The following FNIP1 variants were observed in gnomAD, a reference collection of about 807,000 sequenced individuals.
The protein encoded by FNIP1 is folliculin-interacting protein 1.
In FNIP1, 40 loss-of-function variants were observed where a neutral mutation model predicts 124.5. That is an observed-to-expected ratio of 0.32 (90% CI 0.25 to 0.42). FNIP1 has a LOEUF of 0.42. FNIP1 is among the 10% of genes least tolerant of loss of function. FNIP1 has a pLI of 1.00. For missense variants in FNIP1, 1,176 were observed against 1,403.7 expected, an observed-to-expected ratio of 0.84 and a Z score of 2.59; for synonymous variants, 472 against 470.6, an observed-to-expected ratio of 1.00 and a Z score of -0.04.
chr5:131,754,860 T>C (rs1279144028), intron 1 of FNIP1, among the ~76,000 whole-genome samples: 1 of 152,236 alleles, frequency 6.6e-6, no homozygotes, highest in Non-Finnish European at 1.5e-5. Context: ...GAATGTTATA[T>C]ACCCTGAACT....
intron 6 of FNIP1, among the ~76,000 whole-genome samples, chr5:131,713,500 C>T (rs1008126906): frequency 2.6e-5 from 4 of 152,182 alleles, no homozygotes; most frequent in African/African-American, 9.7e-5. Flanking sequence ...ATACAACTAA[C>T]TGGTCAACTT....
intron 1 of FNIP1, among the ~76,000 whole-genome samples, chr5:131,768,520 A>T (rs1416292891): frequency 6.6e-6 from 1 of 152,008 alleles, no homozygotes; most frequent in Non-Finnish European, 1.5e-5. Flanking sequence ...TATTTAAAAT[A>T]AAAAAACAGG....
intron 3 of FNIP1, among the ~76,000 whole-genome samples, chr5:131,729,440 G>T (rs1770000086): frequency 6.6e-6 from 1 of 152,206 alleles, no homozygotes. Flanking sequence ...GAGCTGCAGT[G>T]AGCTCCGCCC....
chr5:131,795,804 T>A (rs1435073925), intron 1 of FNIP1: 1 of 152,224 alleles, frequency 6.6e-6, no homozygotes, highest in Non-Finnish European at 1.5e-5. Context: ...TCTCTTTTTT[T>A]ATTTTTATTT....
At position 131,671,539 on chromosome 5, in the gene FNIP1, C is replaced by G. The variant is rs1767749008; in HGVS notation, c.2905G>C (p.Asp969His). Reference protein sequence around the residue: ...VSSYYGGEQEDWAEEDEIPFP... With the variant: ...VSSYYGGEQEHWAEEDEIPFP... The stretch of plus-strand genomic sequence containing the variant: ...GGTATCTCATCCTCTTCTGCCCAAT[C>G]TTCTTGCTCTCCTCCATAATAACTG... The change falls in exon 14 of 18, where the codon GAT (aspartate) becomes CAT (histidine). Residue 969 changes from aspartate to histidine, a missense_variant. By Grantham distance (81) the Asp-to-His change is moderately conservative. Coordinates refer to ENST00000510461, the MANE Select transcript of FNIP1 (RefSeq NM_133372.3). 2 of 1,612,152 alleles carry G rather than the reference C, an allele frequency of 1.2e-6. No homozygotes were observed. The highest frequency in any genetic ancestry group is 2.7e-5 in the African/African-American group (2 of 75,050).
At chr5:131,688,469 T>C (rs781596899) in intron 11 of FNIP1, among the ~76,000 whole-genome samples, 7 of 151,810 alleles carry the variant, frequency 4.6e-5, no homozygotes, top group South Asian at 2.1e-4. Flanking sequence ...AATGAAAAAT[T>C]AGAAAGCAAC....
chr5:131,796,759 G>GC, intron 1 of FNIP1, 71 bp downstream of exon 1: 1 of 1,404,798 alleles, frequency 7.1e-7, no homozygotes, highest in East Asian at 2.6e-5. Context: ...AACACCGAAG[G>GC]CCCCAACACC....
intron 11 of FNIP1, among the ~76,000 whole-genome samples, chr5:131,690,427 T>C (rs1349809731): frequency 2.0e-5 from 3 of 152,094 alleles, no homozygotes; most frequent in Non-Finnish European, 4.4e-5. Context: ...GTGGAGGTAT[T>C]TGAATCACGG....
At chr5:131,790,534 T>C (rs1772376129) in intron 1 of FNIP1, among the ~76,000 whole-genome samples, 1 of 133,592 alleles carries the variant, frequency 7.5e-6, no homozygotes, top group Non-Finnish European at 1.6e-5. Flanking sequence ...GCCAAAAACC[T>C]AGGCATCTAT....
At chr5:131,750,939 T>C (rs941659620) in intron 1 of FNIP1, among the ~76,000 whole-genome samples, 5 of 152,206 alleles carry the variant, frequency 3.3e-5, no homozygotes, top group African/African-American at 7.2e-5. Context: ...CAAAATTTTC[T>C]GGAGAAAATG....
intron 1 of FNIP1, among the ~76,000 whole-genome samples, chr5:131,760,087 G>A (rs1771175432): frequency 6.6e-6 from 1 of 152,154 alleles, no homozygotes; most frequent in African/African-American, 2.4e-5. Flanking sequence ...TGGACTACTA[G>A]AGGGAAGAGG....
At chr5:131,719,496 T>C in intron 3 of FNIP1, 79 bp from the exon 4 acceptor site, 2 of 1,297,664 alleles carry the variant, frequency 1.5e-6, no homozygotes, top group East Asian at 2.4e-5. Context: ...TTATTAAAAA[T>C]TCTTGATATA....
chr5:131,644,763 C>T lies in FNIP1; in HGVS notation c.3423G>A (p.Gly1141=). The T allele has an allele frequency of 2.5e-6, 4 of 1,613,566 alleles. 1 individual carries two copies. The highest frequency in any genetic ancestry group is 1.1e-5 in the South Asian group (1 of 91,070). ...VHVKELGVVL[G]IESSDLPLLA... is the part of the protein sequence containing the mutation. ...GAAGTGGAAGATCACTGGATTCAATCCTGAAATAAAGGGGAAAAAAATGTC... is the reference window on the plus strand; with the variant it reads ...GAAGTGGAAGATCACTGGATTCAATTCTGAAATAAAGGGGAAAAAAATGTC... Residue 1141 remains glycine (G), a splice_region_variant and synonymous_variant, in exon 18 of 18, where the codon GGG becomes GGA. Coordinates refer to ENST00000510461, the MANE Select transcript of FNIP1 (RefSeq NM_133372.3).
intron 1 of FNIP1, among the ~76,000 whole-genome samples, chr5:131,781,758 C>T (rs1772003780): frequency 6.6e-6 from 1 of 152,146 alleles, no homozygotes; most frequent in South Asian, 2.1e-4. Context: ...TGTTATCATG[C>T]CTGCTAACAC....
At chr5:131,702,530 A>T (rs1370889399) in intron 10 of FNIP1, among the ~76,000 whole-genome samples, 1 of 152,188 alleles carries the variant, frequency 6.6e-6, no homozygotes, top group Non-Finnish European at 1.5e-5. Context: ...TTGGGTGGCA[A>T]GAATGTCGAT....
At position 131,719,553 on chromosome 5, in the gene FNIP1, T is replaced by G. The variant is rs913525211; in HGVS notation, c.355-136A>C. 12 of 669,058 alleles carry G rather than the reference T, an allele frequency of 1.8e-5. 1 individual carries two copies. Among genetic ancestry groups the G allele is most frequent in the Non-Finnish European group, 2.8e-5 (12 of 424,482 alleles). The allele number at this position is 669,058 out of a possible 1,614,324, so 41.4% of individuals were successfully genotyped here. On this transcript the variant is annotated intron_variant, in intron 3 of 17. Transcript: ENST00000510461. Reference sequence around the variant, plus strand: ...TACTTCTACACTGTATACGCTGTTCTGCAACTCGATTTTCTTCCTTTTAAA... The same window carrying G: ...TACTTCTACACTGTATACGCTGTTCGGCAACTCGATTTTCTTCCTTTTAAA...
chr5:131,786,020 T>G (rs1031312764), intron 1 of FNIP1, among the ~76,000 whole-genome samples: 1 of 152,094 alleles, frequency 6.6e-6, no homozygotes, highest in African/African-American at 2.4e-5. Flanking sequence ...TTCTGGAAAA[T>G]GAGGCCACCC....
intron 7 of FNIP1, 92 bp downstream of exon 7, chr5:131,710,486 G>T: frequency 1.8e-6 from 2 of 1,114,146 alleles, no homozygotes; most frequent in Non-Finnish European, 2.5e-6. Flanking sequence ...CTCACCAACT[G>T]CATTCATCTA....
rs188575192 is a variant in FNIP1 at position 131,659,236 on chromosome 5, G to T, written c.3109-7237C>A. On this transcript the variant is annotated intron_variant, in intron 15 of 17. Transcript: ENST00000510461. ...TGCCGCCAAACAACACTGTGTTGGT[G>T]TACAGGTCTTTGCGGATGTCCATGT... Among the ~76,000 whole-genome samples, 153 of 152,304 alleles carry T rather than the reference G, an allele frequency of 1.0e-3. 1 individual carries two copies. The highest frequency in any genetic ancestry group is 3.5e-3 in the African/African-American group (146 of 41,566).
Sources: allele counts gnomAD v4.1 joint callset (sites outside exome capture counted in the v4.1 genomes callset), GRCh38; gene constraint gnomAD v4.1.1; transcripts MANE v1.5; gene names NCBI Gene and HGNC (gene_info 2026-07-23, HGNC 2026-07-21).